Variants in MAGI2 observed in about 807,000 individuals in gnomAD.
The protein encoded by MAGI2 is membrane associated guanylate kinase, WW and PDZ domain containing 2.
Under a neutral mutation model 133.3 loss-of-function variants are expected in MAGI2, and 35 were observed. The ratio of observed to expected loss-of-function variants is 0.26; its 90% CI spans 0.20 to 0.35. The LOEUF (loss-of-function observed/expected upper bound fraction) is 0.35. MAGI2 is among the 10% of genes least tolerant of loss of function. MAGI2 has a pLI of 1.00. For synonymous variants in MAGI2, 729 were observed against 710.6 expected, an observed-to-expected ratio of 1.03 and a Z score of -0.41; for missense variants, 1,636 against 1,863.4, an observed-to-expected ratio of 0.88 and a Z score of 2.25.
intron 6 of MAGI2, among the ~76,000 whole-genome samples, chr7:78,457,280 G>T (rs1235787681): frequency 2.0e-5 from 3 of 152,168 alleles, no homozygotes; most frequent in African/African-American, 7.2e-5. Context: ...ATGATGAAAA[G>T]TTTTCTATGT....
intron 6 of MAGI2, among the ~76,000 whole-genome samples, chr7:78,374,450 G>A (rs1228079729): frequency 6.6e-6 from 1 of 152,154 alleles, no homozygotes; most frequent in South Asian, 2.1e-4. Context: ...TATGGATTTT[G>A]GGTATTAGAT....
intron 2 of MAGI2, among the ~76,000 whole-genome samples, chr7:78,758,131 C>T (rs560843595): frequency 1.1e-4 from 17 of 152,244 alleles, no homozygotes; most frequent in African/African-American, 2.4e-4. Flanking sequence ...GGACATTTAA[C>T]GGTCCTTTTT....
chr7:79,442,158 G>A (rs529263967), intron 1 of MAGI2, among the ~76,000 whole-genome samples: 1 of 152,238 alleles, frequency 6.6e-6, no homozygotes, highest in African/African-American at 2.4e-5. Flanking sequence ...TTTTAAATCT[G>A]ACTTCTTTTA....
intron 9 of MAGI2, among the ~76,000 whole-genome samples, chr7:78,271,551 C>T (rs1794584301): frequency 6.6e-6 from 1 of 152,150 alleles, no homozygotes; most frequent in Non-Finnish European, 1.5e-5. Context: ...CTTTGTAGCT[C>T]TGGTAGAATT....
intron 12 of MAGI2, among the ~76,000 whole-genome samples, chr7:78,189,223 A>G (rs1297478587): frequency 1.3e-5 from 2 of 152,240 alleles, no homozygotes; most frequent in African/African-American, 4.8e-5. Flanking sequence ...ACAACAAAAG[A>G]GCAGGACAAC....
intron 1 of MAGI2, among the ~76,000 whole-genome samples, chr7:79,427,642 C>T (rs987214338): frequency 6.6e-6 from 1 of 152,050 alleles, no homozygotes; most frequent in Admixed American, 6.5e-5. Context: ...AGCTAAGATC[C>T]AATGCATATG....
chr7:79,089,283 T>C (rs1478797660), intron 1 of MAGI2, among the ~76,000 whole-genome samples: 2 of 152,160 alleles, frequency 1.3e-5, no homozygotes, highest in South Asian at 2.1e-4. Context: ...AAAATGGTGA[T>C]CATTAGAAAG....
intron 2 of MAGI2, among the ~76,000 whole-genome samples, chr7:78,672,768 G>T (rs532298250): frequency 6.6e-6 from 1 of 152,278 alleles, no homozygotes; most frequent in African/African-American, 2.4e-5. Context: ...TCTGGATTGA[G>T]GCCCAACAAA....
intron 6 of MAGI2, among the ~76,000 whole-genome samples, chr7:78,378,688 CT>C (rs977799116): frequency 1.2e-4 from 18 of 152,082 alleles, no homozygotes; most frequent in Admixed American, 1.2e-3. Context: ...ACAGTTTATT[CT>C]ACCCAAGATC....
At chr7:78,830,060 A>T (rs1033581694) in intron 2 of MAGI2, among the ~76,000 whole-genome samples, 4 of 152,078 alleles carry the variant, frequency 2.6e-5, no homozygotes, top group Non-Finnish European at 4.4e-5. Flanking sequence ...ATTTTCTATT[A>T]ACATTTCCAT....
intron 2 of MAGI2, among the ~76,000 whole-genome samples, chr7:78,658,678 T>G (rs918274556): frequency 2.6e-5 from 4 of 152,136 alleles, no homozygotes; most frequent in African/African-American, 9.7e-5. Context: ...CAAGAGTAAG[T>G]GGATATACGG....
intron 2 of MAGI2, among the ~76,000 whole-genome samples, chr7:78,880,524 G>T (rs73373272): frequency 0.016 from 2,482 of 152,218 alleles, 66 homozygotes; most frequent in African/African-American, 0.056. Context: ...ACAAGCAATT[G>T]CTACAGGAAT....
chr7:79,062,800 G>C (rs1813886459), intron 1 of MAGI2, among the ~76,000 whole-genome samples: 1 of 152,084 alleles, frequency 6.6e-6, no homozygotes, highest in Admixed American at 6.6e-5. Context: ...CAAGGGTTGG[G>C]TGAATGATGA....
chr7:78,471,161 T>C (rs1329532727), intron 6 of MAGI2, among the ~76,000 whole-genome samples: 1 of 152,156 alleles, frequency 6.6e-6, no homozygotes, highest in Non-Finnish European at 1.5e-5. Context: ...AAGAAGACCA[T>C]ACATAGGATG....
intron 1 of MAGI2, among the ~76,000 whole-genome samples, chr7:79,228,354 C>CA (rs746424350): frequency 0.022 from 677 of 31,426 alleles, 80 homozygotes; most frequent in East Asian, 0.032. Context: ...AAAAAACAGG[C>CA]AAAAAAAAAA....
At chr7:78,458,382 C>G (rs1315013026) in intron 6 of MAGI2, among the ~76,000 whole-genome samples, 2 of 151,546 alleles carry the variant, frequency 1.3e-5, no homozygotes, top group African/African-American at 4.8e-5. Context: ...ATTTTCAACA[C>G]CACAGGCTTG....
At chr7:78,534,334 C>T (rs1195441440) in intron 3 of MAGI2, among the ~76,000 whole-genome samples, 1 of 152,184 alleles carries the variant, frequency 6.6e-6, no homozygotes, top group Non-Finnish European at 1.5e-5. Context: ...TGGATAAATA[C>T]AGATCTTTAG....
chr7:79,392,033 G>C (rs7456505), intron 1 of MAGI2, among the ~76,000 whole-genome samples: 1 of 151,758 alleles, frequency 6.6e-6, no homozygotes, highest in African/African-American at 2.4e-5. Context: ...GACAGGCCCC[G>C]GTGTGTGATA....
At chr7:78,217,324 T>G in intron 10 of MAGI2, among the ~76,000 whole-genome samples, 1 of 152,192 alleles carries the variant, frequency 6.6e-6, no homozygotes, top group African/African-American at 2.4e-5. Flanking sequence ...TGGGTTTAAT[T>G]TCCTGAGGGC....
Sources: allele counts gnomAD v4.1 joint callset (sites outside exome capture counted in the v4.1 genomes callset), GRCh38; gene constraint gnomAD v4.1.1; transcripts MANE v1.5; gene names NCBI Gene and HGNC (gene_info 2026-07-23, HGNC 2026-07-21).